Variants in SLC36A4 observed in about 807,000 individuals in gnomAD.
SLC36A4 encodes solute carrier family 36 member 4.
A neutral mutation model predicts 50.5 loss-of-function variants in SLC36A4; 49 were observed. The ratio of observed to expected loss-of-function variants is 0.97; its 90% CI spans 0.77 to 1.23. The LOEUF (loss-of-function observed/expected upper bound fraction) is 1.23. Ranked by LOEUF, SLC36A4 falls within the 50% of genes most tolerant of loss-of-function variation. SLC36A4 has a pLI of 0.00. For missense variants in SLC36A4, 611 were observed against 608.4 expected, an observed-to-expected ratio of 1.00 and a Z score of -0.05; for synonymous variants, 207 against 206.5, an observed-to-expected ratio of 1.00 and a Z score of -0.02.
At chr11:93,166,818 G>C (rs1314442872) in intron 7 of SLC36A4, 3 of 152,168 alleles carry the variant, frequency 2.0e-5, no homozygotes, top group East Asian at 1.9e-4. Context: ...TTGGGGAATA[G>C]AGAGATCTAG....
intron 6 of SLC36A4, 72 bp downstream of exon 6, chr11:93,180,725 A>G (rs1590973357): frequency 9.9e-7 from 1 of 1,011,496 alleles, no homozygotes; most frequent in East Asian, 2.5e-5. Flanking sequence ...TGTGGCTTCC[A>G]CAGAAGATAT....
Position 93,182,034 on chromosome 11 carries a change from A to G in SLC36A4, c.360-248T>C, listed in dbSNP as rs554561214. ...CTACTGCTAAAGTTTATGTAAGTGC[A>G]GAACTCATGTAACTTAATATTTGTA... is the stretch of plus-strand genomic sequence containing the variant. On this transcript the variant is annotated intron_variant, in intron 4 of 10. Coordinates refer to ENST00000326402, the MANE Select transcript of SLC36A4 (RefSeq NM_152313.4). 2.0e-5 allele frequency among the ~76,000 whole-genome samples: 3 copies of G among 152,248 alleles called. 1 individual carries two copies. In the East Asian group the frequency reaches 5.8e-4, roughly 29 times the overall value.
At chr11:93,155,072 T>G (rs1278140228) in intron 9 of SLC36A4, 1 of 152,042 alleles carries the variant, frequency 6.6e-6, no homozygotes, top group Non-Finnish European at 1.5e-5. Context: ...TAAACGTTAA[T>G]GACATGAAGA....
At chr11:93,183,010 G>T in intron 3 of SLC36A4, 116 bp from the exon 4 acceptor site, 1 of 684,944 alleles carries the variant, frequency 1.5e-6, no homozygotes, top group African/African-American at 1.8e-5. Context: ...TGAGCAAAAT[G>T]ATTAGTCATT....
intron 7 of SLC36A4, chr11:93,167,404 G>A (rs1860923395): frequency 6.6e-6 from 1 of 152,102 alleles, no homozygotes; most frequent in Non-Finnish European, 1.5e-5. Context: ...AAGAATCCCT[G>A]AATCCCATCA....
chr11:93,180,361 A>T, intron 6 of SLC36A4: 1 of 980,842 alleles, frequency 1.0e-6, no homozygotes, highest in Non-Finnish European at 1.2e-6. Flanking sequence ...ATTTTTGGAC[A>T]CAGTGTCTTT....
intron 9 of SLC36A4, chr11:93,160,342 T>A: frequency 2.0e-6 from 2 of 985,424 alleles, no homozygotes; most frequent in Non-Finnish European, 2.4e-6. Flanking sequence ...TTTTGTTGTT[T>A]CTTAGGATAC....
intron 9 of SLC36A4, among the ~76,000 whole-genome samples, chr11:93,159,613 C>T (rs1192642374): frequency 6.6e-6 from 1 of 152,172 alleles, no homozygotes; most frequent in Non-Finnish European, 1.5e-5. Flanking sequence ...AGGCTAAAAA[C>T]TAAGACAACT....
chr11:93,153,408 G>A (rs1307667694), intron 10 of SLC36A4, among the ~76,000 whole-genome samples: 1 of 152,034 alleles, frequency 6.6e-6, no homozygotes, highest in African/African-American at 2.4e-5. Context: ...AATGCCATAA[G>A]GAAGTTTTAT....
chr11:93,167,979 C>CA lies in SLC36A4; in HGVS notation c.732dup (p.Val245CysfsTer41), dbSNP rs781676593. 60 of 1,611,330 alleles carry CA rather than the reference C, an allele frequency of 3.7e-5. No homozygotes were observed. The highest frequency in any genetic ancestry group is 4.8e-5 in the Non-Finnish European group (57 of 1,178,630). ...TACTGGTAAATTATCACAAGACTGACAGCCATGGAAACGTTGGCAAGGAAT... is the reference window on the plus strand; with the variant it reads ...TACTGGTAAATTATCACAAGACTGACAAGCCATGGAAACGTTGGCAAGGAAT... On this transcript the variant is annotated frameshift_variant, in exon 7 of 11. Transcript: ENST00000326402. LOFTEE classifies it high-confidence loss of function.
intron 1 of SLC36A4, 77 bp from the exon 2 acceptor site, chr11:93,185,891 TA>T: frequency 7.5e-7 from 1 of 1,324,824 alleles, no homozygotes; most frequent in Middle Eastern, 1.9e-4. Flanking sequence ...AATTTCAAAA[TA>T]TTAGGAAACA....
At chr11:93,183,381 TTAAA>T (rs1489054596) in intron 3 of SLC36A4, among the ~76,000 whole-genome samples, 1 of 152,174 alleles carries the variant, frequency 6.6e-6, no homozygotes, top group African/African-American at 2.4e-5. Context: ...ATAAAATACT[TTAAA>T]TATTTATTTA....
chr11:93,147,309 T>C lies in SLC36A4; in HGVS notation c.*1228A>G, dbSNP rs1859874082. ...GCTGATTCTTTTATTCTGCTCATAATAAATAAAAGGCTGTGATAAGAAAAG... is the reference window on the plus strand; with the variant it reads ...GCTGATTCTTTTATTCTGCTCATAACAAATAAAAGGCTGTGATAAGAAAAG... On this transcript the variant is annotated 3_prime_UTR_variant, in exon 11 of 11. Transcript: ENST00000326402. 6.6e-6 allele frequency: 1 copy of C among 151,942 alleles called. No homozygotes were observed. The highest frequency in any genetic ancestry group is 1.5e-5 in the Non-Finnish European group (1 of 67,984). 9.4% of individuals were successfully genotyped at this position (151,942 alleles called of 1,614,324 possible). A position where few individuals can be genotyped will look rare whatever the true frequency, so the allele number is the denominator to read the frequency against.
chr11:93,177,182 C>G (rs949412965), intron 6 of SLC36A4, among the ~76,000 whole-genome samples: 1 of 151,672 alleles, frequency 6.6e-6, no homozygotes, highest in African/African-American at 2.4e-5. Flanking sequence ...AAACTTTTCA[C>G]TTCATTTCAT....
rs144566090 is a variant in SLC36A4, at chr11:93,154,183, T to C, written c.1132A>G (p.Ile378Val). 1.3e-5 allele frequency: 20 copies of C among 1,568,176 alleles called. No homozygotes were observed. In the African/African-American group the frequency reaches 2.7e-4, roughly 21 times the overall value. Residue 378 changes from isoleucine (I) to valine (V), a missense_variant, in exon 10 of 11, where the codon ATC becomes GTC. Ile to Val is a conservative substitution (Grantham distance 29). Transcript: ENST00000326402. ...CATTTAGTATGAAATTTGGATGTGA[T>C]CCCAGGGATAATGATCTCTGCTGGA... The part of the protein sequence containing the change: ...YVPAEIIIPG[I>V]TSKFHTKWKQ...
intron 10 of SLC36A4, among the ~76,000 whole-genome samples, chr11:93,151,092 A>G (rs1244889004): frequency 1.3e-5 from 2 of 152,040 alleles, no homozygotes; most frequent in Non-Finnish European, 2.9e-5. Flanking sequence ...ACATTATATT[A>G]CCAAAAGATA....
chr11:93,185,955 C>A, intron 1 of SLC36A4, 141 bp from the exon 2 acceptor site: 1 of 630,432 alleles, frequency 1.6e-6, no homozygotes, highest in Non-Finnish European at 2.5e-6. Flanking sequence ...ATACTAATAC[C>A]CTGAGTTTTA....
chr11:93,197,778 C>G lies in SLC36A4; in HGVS notation c.55G>C (p.Asp19His). The change falls in exon 1 of 11, where the codon GAT becomes CAT. Residue 19 changes from aspartate (D) to histidine (H), a missense_variant and splice_region_variant. By Grantham distance (81) the Asp-to-His change is moderately conservative. Transcript: ENST00000326402. ...CTCCCTGCCCACGCACAACACCGAC[C>G]TAGCTCCTCGCGCCTCGCCGCCCCG... ...AAGAARREEL[D>H]MDVMRPLINE... 1.3e-6 allele frequency: 2 copies of G among 1,589,210 alleles called. No homozygotes were observed. Among genetic ancestry groups the G allele is most frequent in the Non-Finnish European group, 1.7e-6 (2 of 1,174,454 alleles).
rs1258420907 is a variant in SLC36A4 at position 93,147,237 on chromosome 11, T to C, written c.*1300A>G. ...TGGCCTCTCAAGTGATCCTCCCAAC[T>C]TATCCTCCAGAGTAGCTGGGATTAT... On this transcript the variant is annotated 3_prime_UTR_variant, in exon 11 of 11. Coordinates refer to ENST00000326402, the MANE Select transcript of SLC36A4 (RefSeq NM_152313.4). 1 of 152,156 alleles carries C rather than the reference T, an allele frequency of 6.6e-6. No individual in the cohort carries two copies. Among genetic ancestry groups the C allele is most frequent in the Non-Finnish European group, 1.5e-5 (1 of 68,068 alleles). The allele number at this position is 152,156 out of a possible 1,614,324, so 9.4% of individuals were successfully genotyped here.
Sources: gnomAD v4.1 joint callset for allele counts (sites outside exome capture counted in the v4.1 genomes callset) on GRCh38, gnomAD v4.1.1 for gene constraint, MANE v1.5 for transcripts, NCBI Gene and HGNC (gene_info 2026-07-23, HGNC 2026-07-21) for gene names.